Variants in BCAM observed in about 807,000 individuals in gnomAD.
The protein encoded by BCAM is basal cell adhesion molecule (Lutheran blood group).
Under a neutral mutation model 72.4 loss-of-function variants are expected in BCAM, and 61 were observed. That is an observed-to-expected ratio of 0.84 (90% CI 0.69 to 1.04). BCAM has a LOEUF of 1.04. Among genes scored for constraint, BCAM ranks in the 50% least tolerant of loss-of-function variants. The pLI is 0.00. For missense variants in BCAM, 909 were observed against 895.0 expected (o/e 1.02, Z -0.20); for synonymous variants, 408 against 384.2 (o/e 1.06, Z -0.73).
In BCAM at chr19:44,819,633, G is replaced by T; in HGVS notation, c.1670G>T (p.Ser557Ile). The T allele has an allele frequency of 6.2e-6, 10 of 1,613,606 alleles. No individual in the cohort carries two copies. Among genetic ancestry groups the T allele is most frequent in the Non-Finnish European group, 8.5e-6 (10 of 1,179,744 alleles). The stretch of plus-strand genomic sequence containing the variant: ...GTGGCCGTCATGGCCGTGGCCGTCA[G>T]CGTGGGCCTCCTGCTCCTCGTCGTT... ...AGVAVMAVAVSVGLLLLVVAV... is the reference protein window; with the variant it reads ...AGVAVMAVAVIVGLLLLVVAV... The change falls in exon 13 of 15, where the codon AGC (serine) becomes ATC (isoleucine). Residue 557 changes from serine to isoleucine, a missense_variant. Physicochemically the swap from Ser to Ile is moderately radical, Grantham distance 142. Transcript: ENST00000270233.
At position 44,818,646 on chromosome 19, in the gene BCAM, G is replaced by T. The variant is rs754642486; in HGVS notation, c.1194+9G>T. ...CCCTACGCTGGACCAAGGTGAGAGGGAGAGGAGCCCCCTCGGGCCCTGCAC... is the reference window on the plus strand; with the variant it reads ...CCCTACGCTGGACCAAGGTGAGAGGTAGAGGAGCCCCCTCGGGCCCTGCAC... On this transcript the variant is annotated intron_variant, in intron 9 of 14. Coordinates refer to ENST00000270233, the MANE Select transcript of BCAM (RefSeq NM_005581.5). This position sits in a 1 kb window ranked among gnomAD's most constrained non-coding sequence, Gnocchi z 4.6. 3.2e-5 allele frequency: 51 copies of T among 1,612,928 alleles called. No homozygotes were observed. Among genetic ancestry groups the T allele is most frequent in the Non-Finnish European group, 4.0e-5 (47 of 1,179,220 alleles).
rs777044352 is a variant in BCAM, at chr19:44,814,114, C to T, written c.785-38C>T. 5 of 1,552,340 alleles carry T rather than the reference C, an allele frequency of 3.2e-6. No individual in the cohort carries two copies. The highest frequency in any genetic ancestry group is 4.3e-6 in the Non-Finnish European group (5 of 1,156,878). On this transcript the variant is annotated intron_variant, in intron 6 of 14. Coordinates refer to ENST00000270233, the MANE Select transcript of BCAM (RefSeq NM_005581.5). This position sits in a 1 kb window ranked among gnomAD's most constrained non-coding sequence, Gnocchi z 4.6. ...GCCTGTCCTCTAGCCTTGACCCTTCCCCTGATCACAATTCCCATCTCCCTG... is the reference window on the plus strand; with the variant it reads ...GCCTGTCCTCTAGCCTTGACCCTTCTCCTGATCACAATTCCCATCTCCCTG...
At chr19:44,810,032 G>A (rs1968396595) in intron 1 of BCAM, among the ~76,000 whole-genome samples, 1 of 152,156 alleles carries the variant, frequency 6.6e-6, no homozygotes, top group Non-Finnish European at 1.5e-5. Flanking sequence ...GGCCAGAGGT[G>A]AGCGCTTGGG....
Position 44,818,494 on chromosome 19 carries a change from A to G in BCAM, c.1079-28A>G. On this transcript the variant is annotated intron_variant, in intron 8 of 14. Coordinates refer to ENST00000270233, the MANE Select transcript of BCAM (RefSeq NM_005581.5). This position sits in a 1 kb window ranked among gnomAD's most constrained non-coding sequence, Gnocchi z 4.6. ...CTAATTGAGTGGGTGGCGGTCTGGG[A>G]CGAGTGACAGACTGTCCCCCACTGC... The G allele has an allele frequency of 1.9e-6, 3 of 1,601,578 alleles. No homozygotes were observed. Among genetic ancestry groups the G allele is most frequent in the Non-Finnish European group, 2.6e-6 (3 of 1,170,444 alleles).
rs757127266 is a variant in BCAM at position 44,811,304 on chromosome 19, C to G, written c.162C>G (p.Thr54=). 6.2e-6 allele frequency: 10 copies of G among 1,613,396 alleles called. No individual in the cohort carries two copies. The highest frequency in any genetic ancestry group is 7.6e-6 in the Non-Finnish European group (9 of 1,179,850). ...GAAAGTCTGTCATTCTGGACTGCACCCCTACGGGAACCCACGACCATTATA... is the reference window on the plus strand; with the variant it reads ...GAAAGTCTGTCATTCTGGACTGCACGCCTACGGGAACCCACGACCATTATA... ...MRGKSVILDC[T]PTGTHDHYML... Residue 54 remains threonine, a synonymous_variant, in exon 2 of 15, where the codon ACC becomes ACG. Coordinates refer to ENST00000270233, the MANE Select transcript of BCAM (RefSeq NM_005581.5).
chr19:44,820,809 G>A lies in BCAM; in HGVS notation c.1868G>A (p.Gly623Asp), dbSNP rs758188534. ...ASGGARGGSG[G>D]FGDEC ...GGAGGAGCCAGGGGTGGCAGCGGGG[G>A]CTTCGGAGACGAGGTGGGTGAGGGC... The change falls in exon 14 of 15, where the codon GGC becomes GAC. Residue 623 changes from glycine to aspartate, a missense_variant. Transcript: ENST00000270233. The A allele has an allele frequency of 2.6e-6, 4 of 1,512,868 alleles. No homozygotes were observed. Among genetic ancestry groups the A allele is most frequent in the East Asian group, 2.5e-5 (1 of 39,728 alleles). The allele number at this position is 1,512,868 out of a possible 1,614,324, so 93.7% of individuals were successfully genotyped here. A position where few individuals can be genotyped will look rare whatever the true frequency, so the allele number is the denominator to read the frequency against.
chr19:44,813,769 C>T lies in BCAM; in HGVS notation c.784+149C>T. ...ATGTGCTAGTGCTGGCCACTGACCT[C>T]TGACCTCAATTGGTCGCACAAGCCC... On this transcript the variant is annotated intron_variant, in intron 6 of 14. Coordinates refer to ENST00000270233, the MANE Select transcript of BCAM (RefSeq NM_005581.5). This position sits in a 1 kb window ranked among gnomAD's most constrained non-coding sequence, Gnocchi z 4.2. 2 of 1,170,942 alleles carry T rather than the reference C, an allele frequency of 1.7e-6. No homozygotes were observed. The highest frequency in any genetic ancestry group is 1.6e-5 in the South Asian group (1 of 63,994). The allele number at this position is 1,170,942 out of a possible 1,614,324, so 72.5% of individuals were successfully genotyped here.
chr19:44,818,600 T>G lies in BCAM; in HGVS notation c.1157T>G (p.Val386Gly), dbSNP rs1346629942. ...LNSSAVVNCSVHGLPTPALRW... is the reference protein window; with the variant it reads ...LNSSAVVNCSGHGLPTPALRW... ...AGCAGTGCAGTCGTGAACTGCTCCG[T>G]GCACGGCCTGCCCACCCCTGCCCTA... The change falls in exon 9 of 15, where the codon GTG (valine) becomes GGG (glycine). Residue 386 changes from valine (V) to glycine (G), a missense_variant. Val to Gly is a moderately radical substitution (Grantham distance 109). Coordinates refer to ENST00000270233, the MANE Select transcript of BCAM (RefSeq NM_005581.5). This position sits in a 1 kb window ranked among gnomAD's most constrained non-coding sequence, Gnocchi z 4.6. The G allele has an allele frequency of 1.2e-6, 2 of 1,613,910 alleles. No homozygotes were observed. Among genetic ancestry groups the G allele is most frequent in the Non-Finnish European group, 1.7e-6 (2 of 1,179,964 alleles).
chr19:44,814,049 C>A lies in BCAM; in HGVS notation c.785-103C>A. 7.1e-7 allele frequency: 1 copy of A among 1,401,262 alleles called. No homozygotes were observed. Among genetic ancestry groups the A allele is most frequent in the Non-Finnish European group, 9.5e-7 (1 of 1,052,570 alleles). 86.8% of individuals were successfully genotyped at this position (1,401,262 alleles called of 1,614,324 possible). On this transcript the variant is annotated intron_variant, in intron 6 of 14. Coordinates refer to ENST00000270233, the MANE Select transcript of BCAM (RefSeq NM_005581.5). This position sits in a 1 kb window ranked among gnomAD's most constrained non-coding sequence, Gnocchi z 4.6. ...GAAACCTATGACCCGTAACCTTTGA[C>A]CCGCCATAGCCCTCACCTGGGATGC... is the stretch of plus-strand genomic sequence containing the variant.
chr19:44,820,855 G>T, intron 14 of BCAM, 33 bp downstream of exon 14: 1 of 1,534,530 alleles, frequency 6.5e-7, no homozygotes, highest in East Asian at 2.4e-5. Context: ...TGGTGAGAGG[G>T]ACCTGCTGGG....
In BCAM at chr19:44,818,767, C is replaced by T. The variant is rs752402705; in HGVS notation, c.1221C>T (p.Pro407=). The part of the protein sequence containing the change: ...TKDSTPLGDG[P]MLSLSSITFD... ...ACTCCACTCCCCTGGGCGATGGCCC[C>T]ATGCTGTCGCTCAGTTCTATCACCT... is the stretch of plus-strand genomic sequence containing the variant. Residue 407 remains proline (P), a synonymous_variant, in exon 10 of 15, where the codon CCC becomes CCT. Transcript: ENST00000270233. The surrounding 1 kb of genome is among the most constrained non-coding windows in gnomAD (Gnocchi z 4.6). The T allele has an allele frequency of 4.3e-6, 7 of 1,614,022 alleles. No individual in the cohort carries two copies. The highest frequency in any genetic ancestry group is 5.9e-6 in the Non-Finnish European group (7 of 1,180,014).
chr19:44,821,030 C>T lies in BCAM; in HGVS notation c.*109C>T, dbSNP rs577495208. 781 of 1,322,478 alleles carry T rather than the reference C, an allele frequency of 5.9e-4. No individual in the cohort carries two copies. Among genetic ancestry groups the T allele is most frequent in the Non-Finnish European group, 7.4e-4 (754 of 1,013,092 alleles). The allele number at this position is 1,322,478 out of a possible 1,614,324, so 81.9% of individuals were successfully genotyped here. A position where few individuals can be genotyped will look rare whatever the true frequency, so the allele number is the denominator to read the frequency against. On this transcript the variant is annotated 3_prime_UTR_variant, in exon 15 of 15. Coordinates refer to ENST00000270233, the MANE Select transcript of BCAM (RefSeq NM_005581.5). The stretch of plus-strand genomic sequence containing the variant: ...GCCTTCCCTCTTCCCTCTTCCCTCT[C>T]CCTGCCCAGCCCTCCCTTCCTTCCT...
rs758400698 is a variant in BCAM at position 44,813,456 on chromosome 19, G to T, written c.620G>T (p.Arg207Leu). 1 of 1,611,032 alleles carries T rather than the reference G, an allele frequency of 6.2e-7. No homozygotes were observed. The highest frequency in any genetic ancestry group is 8.5e-7 in the Non-Finnish European group (1 of 1,179,534). Reference sequence around the variant, plus strand: ...CTCCCAGAGGGCTACATGACCAGCCGCACGGTCCGGGAGGCCTCGGGCCTG... The same window carrying T: ...CTCCCAGAGGGCTACATGACCAGCCTCACGGTCCGGGAGGCCTCGGGCCTG... ...EMNPEGYMTS[R>L]TVREASGLLS... The change falls in exon 6 of 15, where the codon CGC (arginine) becomes CTC (leucine). Residue 207 changes from arginine to leucine, a missense_variant. Transcript: ENST00000270233. This position sits in a 1 kb window ranked among gnomAD's most constrained non-coding sequence, Gnocchi z 4.2.
At chr19:44,815,793 C>T (rs1968496570) in intron 8 of BCAM, among the ~76,000 whole-genome samples, 3 of 151,904 alleles carry the variant, frequency 2.0e-5, no homozygotes. Context: ...TTGTATGAGC[C>T]TAGGAGTTTG....
rs935419772 is a variant in BCAM, at chr19:44,818,586, C to T, written c.1143C>T (p.Val381=). The T allele has an allele frequency of 6.8e-6, 11 of 1,613,936 alleles. No homozygotes were observed. Among genetic ancestry groups the T allele is most frequent in the African/African-American group, 1.3e-5 (1 of 74,904 alleles). ...VLSLPLNSSA[V]VNCSVHGLPT... ...CCTTACCTCTAAACAGCAGTGCAGT[C>T]GTGAACTGCTCCGTGCACGGCCTGC... The change falls in exon 9 of 15, where the codon GTC becomes GTT. Residue 381 remains valine, a synonymous_variant. Coordinates refer to ENST00000270233, the MANE Select transcript of BCAM (RefSeq NM_005581.5). This position sits in a 1 kb window ranked among gnomAD's most constrained non-coding sequence, Gnocchi z 4.6.
intron 8 of BCAM, among the ~76,000 whole-genome samples, chr19:44,816,588 C>A (rs948149127): frequency 6.6e-6 from 1 of 152,030 alleles, no homozygotes; most frequent in Non-Finnish European, 1.5e-5. Context: ...ATCTGGGTGT[C>A]CACAATAGGG....
Position 44,820,724 on chromosome 19 carries a change from C to A in BCAM, c.1783C>A (p.Leu595Met). 1 of 1,441,720 alleles carries A rather than the reference C, an allele frequency of 6.9e-7. No individual in the cohort carries two copies. The highest frequency in any genetic ancestry group is 9.2e-7 in the Non-Finnish European group (1 of 1,091,326). The allele number at this position is 1,441,720 out of a possible 1,614,324, so 89.3% of individuals were successfully genotyped here. A position where few individuals can be genotyped will look rare whatever the true frequency, so the allele number is the denominator to read the frequency against. The change falls in exon 14 of 15, where the codon CTG becomes ATG. Residue 595 changes from leucine (L) to methionine (M), a missense_variant. Transcript: ENST00000270233. ...CCCCAGGCCGCCAGGGGAGCCAGGG[C>A]TGAGCCACTCGGGGTCGGAGCAACC... ...KGAPPPGEPG[L>M]SHSGSEQPEQ...
upstream of BCAM, chr19:44,809,086 A>G: frequency 1.5e-6 from 2 of 1,340,832 alleles, no homozygotes; most frequent in South Asian, 1.8e-5. Context: ...GCAGCGGCCG[A>G]GCTGCAGCCC....
intron 13 of BCAM, 65 bp downstream of exon 13, chr19:44,819,791 C>A: frequency 6.7e-7 from 1 of 1,494,128 alleles, no homozygotes; most frequent in Non-Finnish European, 8.9e-7. Flanking sequence ...CAACCCCAAG[C>A]TCAACCCATA....
Sources: allele counts gnomAD v4.1 joint callset (sites outside exome capture counted in the v4.1 genomes callset), GRCh38; gene constraint gnomAD v4.1.1; non-coding constraint Gnocchi (gnomAD v3.1); transcripts MANE v1.5; gene names NCBI Gene and HGNC (gene_info 2026-07-23, HGNC 2026-07-21).